PCDH15: variants seen among roughly 807,000 people sequenced by gnomAD.
PCDH15 encodes protocadherin-15.
A neutral mutation model predicts 178.5 loss-of-function variants in PCDH15; 129 were observed. The ratio of observed to expected loss-of-function variants is 0.72; its 90% CI spans 0.63 to 0.84. The LOEUF is 0.84. Among genes scored for constraint, PCDH15 ranks in the 40% least tolerant of loss-of-function variants. The probability of loss-of-function intolerance (pLI) is 0.00; values close to 1 mark genes in which losing one functional copy is unlikely to be tolerated. For missense variants in PCDH15, 2,230 were observed against 2,099.9 expected (o/e 1.06, Z -1.21); for synonymous variants, 800 against 732.0 (o/e 1.09, Z -1.50).
intron 3 of PCDH15, among the ~76,000 whole-genome samples, chr10:54,388,092 G>A (rs1475703592): frequency 6.6e-6 from 1 of 152,086 alleles, no homozygotes; most frequent in Non-Finnish European, 1.5e-5. Flanking sequence ...TAATACCACT[G>A]AACTGTACAC....
At position 54,857,853 on chromosome 10, in the gene PCDH15, T is replaced by C. The variant is rs571899507; in HGVS notation, c.-29+39597A>G. Among the ~76,000 whole-genome samples the C allele has an allele frequency of 2.6e-5, 4 of 152,316 alleles. No homozygotes were observed. In the South Asian group the frequency reaches 8.3e-4, roughly 32 times the overall value. The stretch of plus-strand genomic sequence containing the variant: ...ACATTTTTAATTCACAAATAAAAAT[T>C]ATATAAATGTATGGGTTACAATACA... On this transcript the variant is annotated intron_variant, in intron 3 of 5. Coordinates refer to the PCDH15 transcript ENST00000458638.
At chr10:53,895,402 T>C (rs116167079) in intron 26 of PCDH15, among the ~76,000 whole-genome samples, 215 of 152,310 alleles carry the variant, frequency 1.4e-3, no homozygotes, top group African/African-American at 4.6e-3. Context: ...CACAATATTA[T>C]TTTCTTTTAG....
intron 1 of PCDH15, among the ~76,000 whole-genome samples, chr10:54,696,790 A>T (rs1170694978): frequency 6.6e-6 from 1 of 152,100 alleles, no homozygotes; most frequent in East Asian, 1.9e-4. Context: ...TTTGAATAAT[A>T]CTTCCATAGC....
At chr10:54,064,389 G>A (rs1386347764) in intron 18 of PCDH15, among the ~76,000 whole-genome samples, 1 of 152,154 alleles carries the variant, frequency 6.6e-6, no homozygotes, top group Non-Finnish European at 1.5e-5. Context: ...AGCACCGTAA[G>A]TTTTCACTCT....
At chr10:55,501,448 A>G (rs1334225886) in intron 2 of PCDH15, among the ~76,000 whole-genome samples, 1 of 151,804 alleles carries the variant, frequency 6.6e-6, no homozygotes, top group African/African-American at 2.4e-5. Context: ...GATAGTGATT[A>G]TGTATTTGCT....
chr10:54,901,344 G>C (rs1954636216), intron 2 of PCDH15, among the ~76,000 whole-genome samples: 1 of 152,060 alleles, frequency 6.6e-6, no homozygotes, highest in Non-Finnish European at 1.5e-5. Flanking sequence ...CAGTTTTCTG[G>C]AACTGCTTAA....
At chr10:54,327,571 T>G (rs370246508) in intron 7 of PCDH15, among the ~76,000 whole-genome samples, 1 of 152,110 alleles carries the variant, frequency 6.6e-6, no homozygotes. Context: ...ATATCCCTAA[T>G]TATATATCTA....
intron 1 of PCDH15, among the ~76,000 whole-genome samples, chr10:55,303,653 A>G (rs1843346393): frequency 1.3e-5 from 2 of 152,138 alleles, no homozygotes; most frequent in African/African-American, 4.8e-5. Flanking sequence ...TTTTTTTGGT[A>G]GAAATAGGTG....
chr10:54,691,601 G>GCTCTGGCTGCTGTACTCAGAA (rs2095121320), intron 1 of PCDH15, among the ~76,000 whole-genome samples: 1 of 151,522 alleles, frequency 6.6e-6, no homozygotes, highest in African/African-American at 2.4e-5. Flanking sequence ...TGTACTCAGA[G>GCTCTGGCTGCTGTACTCAGAA]GAGTATTTTG....
intron 2 of PCDH15, among the ~76,000 whole-genome samples, chr10:55,113,352 C>A (rs1837555209): frequency 6.6e-6 from 1 of 151,738 alleles, no homozygotes; most frequent in Non-Finnish European, 1.5e-5. Context: ...TCCTTGGGCT[C>A]CTCTTGCTTG....
intron 2 of PCDH15, among the ~76,000 whole-genome samples, chr10:54,544,233 C>T (rs577473586): frequency 6.6e-6 from 1 of 152,148 alleles, no homozygotes; most frequent in African/African-American, 2.4e-5. Flanking sequence ...AAATGAATTA[C>T]TTCAAGGAAA....
At chr10:54,887,405 G>T (rs563733004) in intron 3 of PCDH15, among the ~76,000 whole-genome samples, 31 of 152,190 alleles carry the variant, frequency 2.0e-4, no homozygotes, top group African/African-American at 7.2e-4. Context: ...TTTAAGTGAA[G>T]TTTATGAGTT....
intron 2 of PCDH15, among the ~76,000 whole-genome samples, chr10:54,624,001 A>G (rs1395618704): frequency 6.6e-6 from 1 of 152,188 alleles, no homozygotes; most frequent in Non-Finnish European, 1.5e-5. Context: ...TTACAAGGAA[A>G]GAACAGAGAG....
chr10:54,687,857 T>G (rs1425059435), intron 1 of PCDH15, among the ~76,000 whole-genome samples: 2 of 152,026 alleles, frequency 1.3e-5, no homozygotes, highest in Non-Finnish European at 2.9e-5. Flanking sequence ...CCTTGAACAA[T>G]ATCTGCCTTA....
At chr10:53,890,935 T>C (rs530377293) in intron 26 of PCDH15, among the ~76,000 whole-genome samples, 9 of 152,334 alleles carry the variant, frequency 5.9e-5, no homozygotes, top group African/African-American at 2.2e-4. Context: ...AATCATTTAT[T>C]TCTTATGGCT....
At chr10:53,991,984 G>A (rs185220692) in intron 21 of PCDH15, among the ~76,000 whole-genome samples, 247 of 152,162 alleles carry the variant, frequency 1.6e-3, no homozygotes, top group African/African-American at 5.5e-3. Context: ...CTGTGGAAGC[G>A]TTGTTCTTTT....
chr10:54,020,045 T>C, intron 20 of PCDH15, 147 bp downstream of exon 20: 1 of 694,768 alleles, frequency 1.4e-6, no homozygotes. Context: ...TTCATAAATA[T>C]TTCCATTGGA....
intron 2 of PCDH15, among the ~76,000 whole-genome samples, chr10:55,453,034 A>G (rs536489376): frequency 6.6e-6 from 1 of 152,310 alleles, no homozygotes; most frequent in East Asian, 1.9e-4. Flanking sequence ...TAATTTTAAA[A>G]ACATATAAAT....
chr10:54,128,079 C>T (rs558736092), intron 15 of PCDH15, among the ~76,000 whole-genome samples: 2 of 152,108 alleles, frequency 1.3e-5, no homozygotes, highest in South Asian at 2.1e-4. Context: ...AAAATGTATT[C>T]GTTAGATGAA....
Sources: gnomAD v4.1 joint callset for allele counts (sites outside exome capture counted in the v4.1 genomes callset) on GRCh38, gnomAD v4.1.1 for gene constraint, MANE v1.5 for transcripts, NCBI Gene and HGNC (gene_info 2026-07-23, HGNC 2026-07-21) for gene names.